Variants in CCDC170 observed in about 807,000 individuals in gnomAD.
The protein encoded by CCDC170 is coiled-coil domain containing 170, also known as coiled-coil domain-containing protein 170.
A neutral mutation model predicts 72.6 loss-of-function variants in CCDC170; 69 were observed. The ratio of observed to expected loss-of-function variants is 0.95; its 90% CI spans 0.78 to 1.16. The LOEUF is 1.16. Ranked by LOEUF, CCDC170 falls within the 50% of genes most tolerant of loss-of-function variation. CCDC170 has a pLI of 0.00. For missense variants in CCDC170, 852 were observed against 832.5 expected (o/e 1.02, Z -0.29); for synonymous variants, 300 against 303.9 (o/e 0.99, Z 0.13).
intron 5 of CCDC170, among the ~76,000 whole-genome samples, chr6:151,571,231 G>A (rs1442771633): frequency 6.6e-6 from 1 of 151,968 alleles, no homozygotes; most frequent in East Asian, 1.9e-4. Context: ...AGCCTGAAAT[G>A]TTATCAGCTC....
intron 1 of CCDC170, among the ~76,000 whole-genome samples, chr6:151,533,896 A>G (rs143625036): frequency 6.6e-6 from 1 of 152,270 alleles, no homozygotes; most frequent in Non-Finnish European, 1.5e-5. Flanking sequence ...CTTGGTGGAC[A>G]ATCTCCAGTC....
chr6:151,567,167 C>A (rs76327671), intron 5 of CCDC170, among the ~76,000 whole-genome samples: 20,060 of 151,940 alleles, frequency 0.13, 1,909 homozygotes, highest in African/African-American at 0.27. Flanking sequence ...GATCAGCCTG[C>A]CTCGGCCTCT....
intron 3 of CCDC170, 97 bp from the exon 4 acceptor site, chr6:151,544,475 C>T (rs1782741172): frequency 1.7e-6 from 2 of 1,168,322 alleles, no homozygotes; most frequent in South Asian, 1.6e-5. Context: ...TTGAAAATGA[C>T]AATTATTTCC....
At chr6:151,563,042 C>T (rs1776067674) in intron 5 of CCDC170, among the ~76,000 whole-genome samples, 1 of 152,182 alleles carries the variant, frequency 6.6e-6, no homozygotes, top group Non-Finnish European at 1.5e-5. Context: ...TGACTACCAC[C>T]AAAATGGGCT....
chr6:151,543,979 T>A (rs1562277174), intron 3 of CCDC170, among the ~76,000 whole-genome samples: 1 of 152,188 alleles, frequency 6.6e-6, no homozygotes, highest in Non-Finnish European at 1.5e-5. Flanking sequence ...TTTCTTCCAA[T>A]ACACTTTAAA....
intron 6 of CCDC170, 21 bp downstream of exon 6, chr6:151,573,512 T>A (rs528084525): frequency 6.2e-7 from 1 of 1,602,140 alleles, no homozygotes; most frequent in African/African-American, 1.3e-5. Context: ...CATGGCTGTT[T>A]ACAGACATCT....
At chr6:151,593,904 C>T (rs577318910) in intron 8 of CCDC170, among the ~76,000 whole-genome samples, 1 of 152,232 alleles carries the variant, frequency 6.6e-6, no homozygotes, top group South Asian at 2.1e-4. Flanking sequence ...TCTGGGTAGC[C>T]ATTTACCTAG....
chr6:151,554,941 T>C (rs1782951028), intron 5 of CCDC170, among the ~76,000 whole-genome samples: 1 of 143,714 alleles, frequency 7.0e-6, no homozygotes, highest in African/African-American at 2.6e-5. Flanking sequence ...TGCAGTGGTG[T>C]GACCTCGGCT....
At chr6:151,512,178 G>C (rs1277454300) in intron 1 of CCDC170, among the ~76,000 whole-genome samples, 2 of 57,378 alleles carry the variant, frequency 3.5e-5, no homozygotes, top group Non-Finnish European at 6.5e-5. Context: ...TTTTTTTTTT[G>C]AGATGGAGTC....
chr6:151,505,922 C>T (rs150929760), intron 1 of CCDC170, among the ~76,000 whole-genome samples: 11 of 152,070 alleles, frequency 7.2e-5, no homozygotes, highest in Non-Finnish European at 2.9e-5. Flanking sequence ...CATAGTGAGA[C>T]CCCATCTCTA....
At position 151,507,316 on chromosome 6, in the gene CCDC170, GA is replaced by G. The variant is rs918964462; in HGVS notation, c.57+13140del. On this transcript the variant is annotated intron_variant, in intron 1 of 10. Transcript: ENST00000239374. ...TTCTATATTTTTTTTAATCAGTAGA[GA>G]AAAAAAAATGAGCTTTGAAGTTGAA... 4.0e-5 allele frequency among the ~76,000 whole-genome samples: 6 copies of G among 150,192 alleles called. No individual in the cohort carries two copies. In the Middle Eastern group the frequency reaches 0.01, roughly 259 times the overall value.
intron 9 of CCDC170, among the ~76,000 whole-genome samples, chr6:151,604,393 TG>T (rs1205874735): frequency 6.6e-6 from 1 of 152,138 alleles, no homozygotes; most frequent in African/African-American, 2.4e-5. Context: ...GGCATGCTCC[TG>T]GGGGTCAGAT....
chr6:151,563,529 G>T (rs1048871837), intron 5 of CCDC170, among the ~76,000 whole-genome samples: 3 of 152,160 alleles, frequency 2.0e-5, no homozygotes, highest in African/African-American at 7.2e-5. Flanking sequence ...GGGTTGTGGG[G>T]TATGTTTGCA....
chr6:151,509,913 AG>A (rs1782124080), intron 1 of CCDC170, among the ~76,000 whole-genome samples: 1 of 152,084 alleles, frequency 6.6e-6, no homozygotes, highest in Non-Finnish European at 1.5e-5. Context: ...TCACAAGGTC[AG>A]GAGTTCCAGA....
rs1245359731 is a variant in CCDC170, at chr6:151,596,504, A to C, written c.1637A>C (p.Gln546Pro). 1.9e-6 allele frequency: 3 copies of C among 1,614,070 alleles called. No individual in the cohort carries two copies. The highest frequency in any genetic ancestry group is 2.5e-6 in the Non-Finnish European group (3 of 1,180,028). The change falls in exon 9 of 11, where the codon CAG becomes CCG. Residue 546 changes from glutamine to proline, a missense_variant. By Grantham distance (76) the Gln-to-Pro change is moderately conservative. Coordinates refer to ENST00000239374, the MANE Select transcript of CCDC170 (RefSeq NM_025059.4). ...RNLQKKVERL[Q>P]KELNTCRDLH... ...TTGCAGAAGAAGGTGGAGAGGCTGC[A>C]GAAAGAGCTGAACACGTGTCGAGAC...
At chr6:151,590,747 G>C (rs77652720) in intron 7 of CCDC170, among the ~76,000 whole-genome samples, 6,995 of 152,178 alleles carry the variant, frequency 0.046, 248 homozygotes, top group East Asian at 0.22. Context: ...TTGGGGTCTC[G>C]GCTTGCTCTT....
At chr6:151,566,403 C>T (rs1430363499) in intron 5 of CCDC170, among the ~76,000 whole-genome samples, 1 of 151,762 alleles carries the variant, frequency 6.6e-6, no homozygotes, top group South Asian at 2.1e-4. Flanking sequence ...TTCAAACTAT[C>T]TTTGGGGAAG....
chr6:151,526,671 C>A (rs1782416031), intron 1 of CCDC170, among the ~76,000 whole-genome samples: 1 of 151,106 alleles, frequency 6.6e-6, no homozygotes, highest in Admixed American at 6.6e-5. Context: ...TGAGTCACGG[C>A]CCCTGGCCTT....
chr6:151,531,186 A>T (rs1379357409), intron 1 of CCDC170, among the ~76,000 whole-genome samples: 24 of 152,164 alleles, frequency 1.6e-4, no homozygotes, highest in Admixed American at 1.6e-3. Context: ...GACCTTTGGG[A>T]GAAGATGATT....
Sources: allele counts gnomAD v4.1 joint callset (sites outside exome capture counted in the v4.1 genomes callset), GRCh38; gene constraint gnomAD v4.1.1; transcripts MANE v1.5; gene names NCBI Gene and HGNC (gene_info 2026-07-23, HGNC 2026-07-21).